GPHN: variants seen among roughly 807,000 people sequenced by gnomAD.
GPHN encodes gephyrin.
Under a neutral mutation model 95.5 loss-of-function variants are expected in GPHN, and 17 were observed. That is an observed-to-expected ratio of 0.18 (90% CI 0.12 to 0.27). GPHN has a LOEUF of 0.27. Ranked by LOEUF, GPHN falls within the 10% of genes least tolerant of loss-of-function variation. The pLI, the probability that GPHN is intolerant of heterozygous loss-of-function variation, is 1.00. For missense variants in GPHN, 660 were observed against 978.1 expected (o/e 0.67, Z 4.34); for synonymous variants, 320 against 322.5 (o/e 0.99, Z 0.08).
chr14:67,435,202 G>A, the GPHN span, among the ~76,000 whole-genome samples: 1 of 152,046 alleles, frequency 6.6e-6, no homozygotes, highest in Non-Finnish European at 1.5e-5. Flanking sequence ...CCTGACCTCA[G>A]GTGATCCACC....
chr14:67,084,355 C>T (rs2076806018), intron 11 of GPHN, among the ~76,000 whole-genome samples: 1 of 152,110 alleles, frequency 6.6e-6, no homozygotes, highest in African/African-American at 2.4e-5. Context: ...GGTTTAAACT[C>T]CCTTGATCCT....
the GPHN span, among the ~76,000 whole-genome samples, chr14:67,378,652 T>C: frequency 6.6e-6 from 1 of 152,222 alleles, no homozygotes; most frequent in African/African-American, 2.4e-5. Flanking sequence ...GCTTCTTTAG[T>C]TACCTCTTTA....
chr14:67,294,252 C>A, the GPHN span: 1 of 152,056 alleles, frequency 6.6e-6, no homozygotes, highest in South Asian at 2.1e-4. Context: ...TGAATGGTTT[C>A]CCCTGGAGTG....
At chr14:67,526,341 C>A in the GPHN span, among the ~76,000 whole-genome samples, 3 of 152,228 alleles carry the variant, frequency 2.0e-5, no homozygotes, top group African/African-American at 7.2e-5. Flanking sequence ...CTCTTCCTGT[C>A]CCCTGCCCGT....
chr14:67,714,351 G>A, the GPHN span, among the ~76,000 whole-genome samples: 1 of 151,860 alleles, frequency 6.6e-6, no homozygotes, highest in African/African-American at 2.4e-5. Context: ...TGTTGCTCTT[G>A]GTCTCAAACT....
At chr14:67,690,351 C>T in the GPHN span, 1 of 1,614,134 alleles carries the variant, frequency 6.2e-7, no homozygotes, top group Non-Finnish European at 8.5e-7. Flanking sequence ...CGAGGGAAGA[C>T]ACATTTACTA....
the GPHN span, among the ~76,000 whole-genome samples, chr14:67,371,205 A>G: frequency 1.3e-5 from 2 of 152,148 alleles, no homozygotes; most frequent in African/African-American, 4.8e-5. Context: ...GCTTGAGGTC[A>G]GGATTTCAAG....
chr14:67,702,445 T>C, the GPHN span, among the ~76,000 whole-genome samples: 1 of 152,122 alleles, frequency 6.6e-6, no homozygotes, highest in African/African-American at 2.4e-5. Context: ...ATAAAAAAAA[T>C]CACACAAAGA....
intron 1 of GPHN, among the ~76,000 whole-genome samples, chr14:66,669,662 T>A (rs373517835): frequency 1.6e-4 from 25 of 152,296 alleles, no homozygotes; most frequent in African/African-American, 5.5e-4. Flanking sequence ...GTGTGTTATC[T>A]CCTAGCTTGC....
chr14:67,397,238 C>A, the GPHN span, among the ~76,000 whole-genome samples: 2 of 152,208 alleles, frequency 1.3e-5, no homozygotes, highest in Non-Finnish European at 2.9e-5. Context: ...CACGCCCAGC[C>A]TAGACTTTTT....
chr14:67,572,437 G>A, the GPHN span, among the ~76,000 whole-genome samples: 1 of 152,182 alleles, frequency 6.6e-6, no homozygotes, highest in East Asian at 1.9e-4. Flanking sequence ...TACAGTTATG[G>A]AGTCAGACAC....
At chr14:66,752,895 CT>C (rs11357957) in intron 2 of GPHN, among the ~76,000 whole-genome samples, 50,469 of 147,196 alleles carry the variant, frequency 0.34, 12,950 homozygotes, top group African/African-American at 0.7. Context: ...ACATGTTAAT[CT>C]TAAGTCAGGA....
chr14:67,602,191 G>A, the GPHN span, among the ~76,000 whole-genome samples: 5 of 152,158 alleles, frequency 3.3e-5, no homozygotes, highest in East Asian at 9.6e-4. Flanking sequence ...TTACAATAAT[G>A]GTGGAAGGCA....
At chr14:67,617,719 T>G in the GPHN span, among the ~76,000 whole-genome samples, 7 of 151,928 alleles carry the variant, frequency 4.6e-5, no homozygotes, top group African/African-American at 1.7e-4. Flanking sequence ...GGTTTTTTGT[T>G]GTTTGTTTGT....
chr14:67,516,057 T>C, the GPHN span, among the ~76,000 whole-genome samples: 7 of 152,198 alleles, frequency 4.6e-5, no homozygotes, highest in Non-Finnish European at 1.0e-4. Context: ...ATGAATATCA[T>C]CTGGAAACTC....
chr14:66,988,335 T>C (rs1041857412), intron 9 of GPHN, among the ~76,000 whole-genome samples: 1 of 152,084 alleles, frequency 6.6e-6, no homozygotes, highest in Non-Finnish European at 1.5e-5. Flanking sequence ...AGACTTCATT[T>C]GGAGATTTTT....
At chr14:67,679,466 C>A in the GPHN span, among the ~76,000 whole-genome samples, 60 of 148,112 alleles carry the variant, frequency 4.1e-4, no homozygotes, top group African/African-American at 1.5e-3. Flanking sequence ...TGCAGTGATG[C>A]GATCTCAGCT....
the GPHN span, among the ~76,000 whole-genome samples, chr14:67,189,134 A>G: frequency 6.6e-6 from 1 of 152,230 alleles, no homozygotes; most frequent in Non-Finnish European, 1.5e-5. Context: ...TATCAATTGT[A>G]TGATCAATGA....
the GPHN span, among the ~76,000 whole-genome samples, chr14:67,380,146 C>T: frequency 2.0e-5 from 3 of 152,140 alleles, no homozygotes; most frequent in African/African-American, 7.2e-5. Flanking sequence ...TTTTCATTTG[C>T]TCACTCATTC....
Sources: gnomAD v4.1 joint callset for allele counts (sites outside exome capture counted in the v4.1 genomes callset) on GRCh38, gnomAD v4.1.1 for gene constraint, MANE v1.5 for transcripts, NCBI Gene and HGNC (gene_info 2026-07-23, HGNC 2026-07-21) for gene names.